The following DIAPH2 variants were observed in gnomAD, a reference collection of about 807,000 sequenced individuals.
DIAPH2 encodes the protein protein diaphanous homolog 2.
Under a neutral mutation model 92.7 loss-of-function variants are expected in DIAPH2, and 35 were observed. That is an observed-to-expected ratio of 0.38 (90% CI 0.29 to 0.50). DIAPH2 has a LOEUF of 0.50. Ranked by LOEUF, DIAPH2 falls within the 20% of genes least tolerant of loss-of-function variation. The pLI is 0.94. For synonymous variants in DIAPH2, 301 were observed against 280.4 expected, an observed-to-expected ratio of 1.07 and a Z score of -0.73; for missense variants, 701 against 819.5, an observed-to-expected ratio of 0.86 and a Z score of 1.77.
chrX:97,436,951 G>A (rs1301348113), intron 26 of DIAPH2, among the ~76,000 whole-genome samples: 1 of 111,795 alleles, frequency 8.9e-6, no homozygotes, highest in Non-Finnish European at 1.9e-5. Flanking sequence ...TACTGCTTAT[G>A]CCTCAGACTA....
intron 24 of DIAPH2, among the ~76,000 whole-genome samples, chrX:97,375,847 A>C: frequency 9.0e-6 from 1 of 111,494 alleles, no homozygotes; most frequent in Middle Eastern, 4.6e-3. Context: ...AGCACAGCTA[A>C]CAGCCTCCTA....
chrX:97,090,666 G>C (rs1357489531), intron 19 of DIAPH2, among the ~76,000 whole-genome samples: 4 of 110,974 alleles, frequency 3.6e-5, no homozygotes, highest in Non-Finnish European at 7.6e-5. Flanking sequence ...ATATTGAATT[G>C]GATCAGATTA....
intron 21 of DIAPH2, among the ~76,000 whole-genome samples, chrX:97,123,808 G>A (rs1378117754): frequency 8.9e-6 from 1 of 112,420 alleles, no homozygotes; most frequent in Admixed American, 9.4e-5. Context: ...CTATGAATAC[G>A]CTACTGTGTG....
intron 23 of DIAPH2, among the ~76,000 whole-genome samples, chrX:97,305,886 C>G (rs1249562967): frequency 8.3e-5 from 9 of 107,917 alleles, no homozygotes; most frequent in African/African-American, 3.0e-4. Context: ...AGGTAGGGAA[C>G]TGTCACTAGG....
chrX:97,279,371 C>T (rs1338568145), intron 23 of DIAPH2, among the ~76,000 whole-genome samples: 3 of 104,183 alleles, frequency 2.9e-5, no homozygotes, highest in Non-Finnish European at 3.9e-5. Flanking sequence ...GGCGCAATCT[C>T]GGCTCACTGC....
chrX:97,578,160 A>C (rs1460445238), intron 26 of DIAPH2, among the ~76,000 whole-genome samples: 1 of 87,543 alleles, frequency 1.1e-5, no homozygotes, highest in Non-Finnish European at 2.3e-5. Flanking sequence ...TTTTATTTTT[A>C]TTTATTTTTA....
intron 22 of DIAPH2, among the ~76,000 whole-genome samples, chrX:97,209,200 C>A (rs1202622623): frequency 9.0e-6 from 1 of 110,746 alleles, no homozygotes; most frequent in Non-Finnish European, 1.9e-5. Context: ...AAACATTTTT[C>A]TACTCTTCAA....
chrX:97,562,752 T>C (rs1325895945), intron 26 of DIAPH2, among the ~76,000 whole-genome samples: 2 of 111,412 alleles, frequency 1.8e-5, no homozygotes, highest in Admixed American at 9.5e-5. Context: ...AAGGTAGATA[T>C]TAAGGGAACA....
intron 17 of DIAPH2, among the ~76,000 whole-genome samples, chrX:96,967,077 A>G (rs2065897649): frequency 8.9e-6 from 1 of 111,856 alleles, no homozygotes; most frequent in Non-Finnish European, 1.9e-5. Context: ...GTACATGTGC[A>G]GGATTGTTAC....
At chrX:96,957,759 G>C in intron 15 of DIAPH2, 69 bp from the exon 16 acceptor site, 1 of 737,626 alleles carries the variant, frequency 1.4e-6, no homozygotes, top group Non-Finnish European at 2.0e-6. Flanking sequence ...AATATCTATT[G>C]ATATATATTT....
intron 3 of DIAPH2, among the ~76,000 whole-genome samples, chrX:96,740,257 C>A (rs183549903): frequency 8.9e-6 from 1 of 111,870 alleles, no homozygotes; most frequent in Non-Finnish European, 1.9e-5. Flanking sequence ...TTTCCTTTAT[C>A]AAATAAGCTC....
intron 4 of DIAPH2, among the ~76,000 whole-genome samples, chrX:96,850,114 A>G (rs1306951468): frequency 9.0e-6 from 1 of 111,530 alleles, no homozygotes; most frequent in African/African-American, 3.3e-5. Flanking sequence ...ATTTCAACAA[A>G]GTCCTCTTGG....
At chrX:96,718,815 A>G (rs1212843157) in intron 1 of DIAPH2, among the ~76,000 whole-genome samples, 1 of 111,266 alleles carries the variant, frequency 9.0e-6, no homozygotes, top group Non-Finnish European at 1.9e-5. Context: ...GCATTGCTGG[A>G]TCATATGGTA....
chrX:97,028,964 T>C (rs1288086444), intron 17 of DIAPH2, among the ~76,000 whole-genome samples: 1 of 111,488 alleles, frequency 9.0e-6, no homozygotes, highest in Non-Finnish European at 1.9e-5. Flanking sequence ...CTCCATATCC[T>C]TTGCAACACT....
chrX:97,508,500 T>G lies in DIAPH2; in HGVS notation c.3241+78755T>G, dbSNP rs1396104418. 2.7e-5 allele frequency among the ~76,000 whole-genome samples: 3 copies of G among 112,351 alleles called. No individual in the cohort carries two copies. In the East Asian group the frequency reaches 8.3e-4, roughly 31 times the overall value. On this transcript the variant is annotated intron_variant, in intron 26 of 26. Transcript: ENST00000324765. ...TCTAGTATAGAGAATGGATAGAAAT[T>G]TTAATAGACCTGCCTAATTTACATT...
intron 26 of DIAPH2, among the ~76,000 whole-genome samples, chrX:97,443,282 G>A (rs1364461959): frequency 8.9e-6 from 1 of 111,837 alleles, no homozygotes; most frequent in Non-Finnish European, 1.9e-5. Context: ...ATCTAAGATA[G>A]TGCCTCACCT....
chrX:96,795,721 C>T (rs1423704848), intron 4 of DIAPH2, among the ~76,000 whole-genome samples: 1 of 111,460 alleles, frequency 9.0e-6, no homozygotes, highest in African/African-American at 3.3e-5. Flanking sequence ...TATTCGTTGT[C>T]CTGACTCTGT....
intron 4 of DIAPH2, among the ~76,000 whole-genome samples, chrX:96,865,910 C>T (rs942268017): frequency 8.9e-6 from 1 of 111,735 alleles, no homozygotes; most frequent in Non-Finnish European, 1.9e-5. Context: ...AGACACTTTA[C>T]ATTTATTTAT....
At position 96,937,300 on chromosome X, in the gene DIAPH2, A is replaced by G; in HGVS notation, c.1157A>G (p.Asp386Gly). The change falls in exon 11 of 27, where the codon GAT (aspartate) becomes GGT (glycine). Residue 386 changes from aspartate to glycine, a missense_variant. By Grantham distance (94) the Asp-to-Gly change is moderately conservative. Around this residue, in one of 3 missense-constraint regions of DIAPH2, gnomAD observed 536 missense variants for 599.3 expected, o/e 0.89. Coordinates refer to ENST00000324765, the MANE Select transcript of DIAPH2 (RefSeq NM_006729.5). The part of the protein sequence containing the change: ...QLKVFDENKE[D>G]DLTELSHRLN... ...AAAGTATTTGATGAAAACAAAGAAG[A>G]TGACCTAACTGAATTATCACACCGT... 1 of 1,167,882 alleles carries G rather than the reference A, an allele frequency of 8.6e-7. No homozygotes were observed. Among genetic ancestry groups the G allele is most frequent in the Non-Finnish European group, 1.2e-6 (1 of 866,054 alleles).
Sources: gnomAD v4.1 joint callset for allele counts (sites outside exome capture counted in the v4.1 genomes callset) on GRCh38, gnomAD v4.1.1 for gene constraint, gnomAD v4.1.1 regional missense constraint, MANE v1.5 for transcripts, NCBI Gene and HGNC (gene_info 2026-07-23, HGNC 2026-07-21) for gene names.